Variants in PALLD observed in about 807,000 individuals in gnomAD.
PALLD encodes palladin, cytoskeletal associated protein.
In PALLD, 61 loss-of-function variants were observed where a neutral mutation model predicts 123.5. The ratio of observed to expected loss-of-function variants is 0.49; its 90% CI spans 0.40 to 0.61. The LOEUF (loss-of-function observed/expected upper bound fraction) is 0.61, where lower values mean the gene tolerates loss of function less well. PALLD is among the 20% of genes least tolerant of loss of function. The pLI, the probability that PALLD is intolerant of heterozygous loss-of-function variation, is 0.00. For missense variants in PALLD, 1,273 were observed against 1,377.0 expected (o/e 0.92, Z 1.20); for synonymous variants, 465 against 496.4 (o/e 0.94, Z 0.84).
chr4:168,728,905 C>G (rs1490708986), intron 10 of PALLD, among the ~76,000 whole-genome samples: 1 of 152,032 alleles, frequency 6.6e-6, no homozygotes, highest in Admixed American at 6.5e-5. Context: ...CATTCTTATG[C>G]CTTTGTGGAT....
intron 10 of PALLD, among the ~76,000 whole-genome samples, chr4:168,801,037 T>C (rs1257555809): frequency 6.6e-6 from 1 of 152,088 alleles, no homozygotes; most frequent in Non-Finnish European, 1.5e-5. Flanking sequence ...TCCACTGATA[T>C]AAAGCTGAAA....
At chr4:168,588,881 T>C (rs529505055) in intron 2 of PALLD, among the ~76,000 whole-genome samples, 1 of 152,382 alleles carries the variant, frequency 6.6e-6, no homozygotes, top group East Asian at 1.9e-4. Flanking sequence ...GCCAATTTCT[T>C]CTTTCAAGTA....
intron 2 of PALLD, among the ~76,000 whole-genome samples, chr4:168,663,272 G>A (rs1261499535): frequency 6.6e-6 from 1 of 152,202 alleles, no homozygotes; most frequent in African/African-American, 2.4e-5. Flanking sequence ...ACACCACAGG[G>A]GACTGCAGGG....
intron 10 of PALLD, among the ~76,000 whole-genome samples, chr4:168,814,575 C>T (rs756515859): frequency 2.6e-5 from 4 of 152,126 alleles, no homozygotes; most frequent in Non-Finnish European, 5.9e-5. Context: ...GACATAACTG[C>T]GTTGCAGCAA....
intron 14 of PALLD, among the ~76,000 whole-genome samples, chr4:168,901,114 T>C (rs1756420235): frequency 6.6e-6 from 1 of 152,198 alleles, no homozygotes; most frequent in Non-Finnish European, 1.5e-5. Flanking sequence ...CATCCCTCCT[T>C]CCTCTCCCTC....
intron 10 of PALLD, among the ~76,000 whole-genome samples, chr4:168,818,009 C>A (rs1280912101): frequency 6.6e-6 from 1 of 152,186 alleles, no homozygotes; most frequent in Non-Finnish European, 1.5e-5. Flanking sequence ...AGGGAACACA[C>A]AAAGATTGAC....
intron 10 of PALLD, among the ~76,000 whole-genome samples, chr4:168,821,224 C>G (rs1259677747): frequency 6.6e-6 from 1 of 152,164 alleles, no homozygotes; most frequent in African/African-American, 2.4e-5. Flanking sequence ...AAAATAGACT[C>G]AATTATTTCA....
intron 10 of PALLD, among the ~76,000 whole-genome samples, chr4:168,804,821 C>A (rs1000655737): frequency 6.6e-6 from 1 of 152,136 alleles, no homozygotes; most frequent in East Asian, 1.9e-4. Context: ...TGTATATTTT[C>A]TCTGTGAAGG....
chr4:168,759,189 AAAAAAAAAAAAAAATATATATATAT>A (rs1241101722), intron 10 of PALLD, among the ~76,000 whole-genome samples: 1 of 24,660 alleles, frequency 4.1e-5, no homozygotes, highest in Non-Finnish European at 8.4e-5. Context: ...CAAAAAAAAA[AAAAAAAAAAAAAAATATATATATAT>A]ATATATATAT....
chr4:168,715,070 C>T (rs989366260), intron 10 of PALLD, among the ~76,000 whole-genome samples: 9 of 151,972 alleles, frequency 5.9e-5, no homozygotes, highest in Middle Eastern at 3.2e-3. Context: ...TCTGTGGTAC[C>T]GCTCATAAAG....
intron 10 of PALLD, among the ~76,000 whole-genome samples, chr4:168,831,181 G>T (rs1314168865): frequency 6.6e-6 from 1 of 152,198 alleles, no homozygotes; most frequent in Non-Finnish European, 1.5e-5. Context: ...AGAAAAGTTG[G>T]TGATCTGGAT....
chr4:168,806,793 TA>T (rs1740267558), intron 10 of PALLD, among the ~76,000 whole-genome samples: 1 of 152,310 alleles, frequency 6.6e-6, no homozygotes, highest in East Asian at 1.9e-4. Context: ...GAGTACTTTT[TA>T]AAAGCAAAAT....
intron 2 of PALLD, among the ~76,000 whole-genome samples, chr4:168,573,689 G>A (rs576509766): frequency 2.0e-5 from 3 of 152,180 alleles, no homozygotes; most frequent in African/African-American, 2.4e-5. Flanking sequence ...GTTAGAAAAG[G>A]ATCCCTGGAG....
chr4:168,924,924 T>G (rs756363802), intron 19 of PALLD, 21 bp from the exon 20 acceptor site: 1 of 1,613,886 alleles, frequency 6.2e-7, no homozygotes, highest in Non-Finnish European at 8.5e-7. Context: ...AGAACCCTAA[T>G]GACTTTATCC....
chr4:168,799,879 T>C (rs1447719580), intron 10 of PALLD, among the ~76,000 whole-genome samples: 1 of 152,184 alleles, frequency 6.6e-6, no homozygotes, highest in Non-Finnish European at 1.5e-5. Context: ...CAAAAATGGT[T>C]CATGCACTTA....
intron 15 of PALLD, among the ~76,000 whole-genome samples, chr4:168,910,490 A>G (rs963682938): frequency 6.6e-6 from 1 of 152,152 alleles, no homozygotes; most frequent in African/African-American, 2.4e-5. Context: ...ACCAAGAAAA[A>G]TAAAATTCCA....
At chr4:168,902,751 T>C (rs761687025) in intron 14 of PALLD, among the ~76,000 whole-genome samples, 1 of 152,144 alleles carries the variant, frequency 6.6e-6, no homozygotes, top group Non-Finnish European at 1.5e-5. Flanking sequence ...AAAAATATTG[T>C]ATTTAATCAA....
At chr4:168,586,215 G>A (rs536286087) in intron 2 of PALLD, among the ~76,000 whole-genome samples, 1 of 146,810 alleles carries the variant, frequency 6.8e-6, no homozygotes, top group Non-Finnish European at 1.5e-5. Flanking sequence ...TACTACTTCC[G>A]GCCCCACAAA....
intron 6 of PALLD, among the ~76,000 whole-genome samples, chr4:168,688,559 G>T (rs1280108601): frequency 6.6e-6 from 1 of 152,220 alleles, no homozygotes; most frequent in Non-Finnish European, 1.5e-5. Flanking sequence ...AGGTTGCCAG[G>T]TGCATCCTGT....
Sources: allele counts gnomAD v4.1 joint callset (sites outside exome capture counted in the v4.1 genomes callset), GRCh38; gene constraint gnomAD v4.1.1; transcripts MANE v1.5; gene names NCBI Gene and HGNC (gene_info 2026-07-23, HGNC 2026-07-21).